Variants in NR2C2 observed in about 807,000 individuals in gnomAD.
The protein encoded by NR2C2 is Nuclear hormone receptor TR4.
Under a neutral mutation model 62.9 loss-of-function variants are expected in NR2C2, and 6 were observed. That is an observed-to-expected ratio of 0.10 (90% CI 0.05 to 0.19). NR2C2 has a LOEUF of 0.19. NR2C2 is among the 10% of genes least tolerant of loss of function. The pLI is 1.00. For missense variants in NR2C2, 479 were observed against 762.7 expected (o/e 0.63, Z 4.38); for synonymous variants, 272 against 273.8 (o/e 0.99, Z 0.07).
At position 15,023,964 on chromosome 3, in the gene NR2C2, G is replaced by T. The variant is rs562163239; in HGVS notation, c.705-151G>T. The T allele has an allele frequency of 8.9e-5, 56 of 631,884 alleles. No individual in the cohort carries two copies. In the South Asian group the frequency reaches 1.0e-3, roughly 11 times the overall value. The allele number at this position is 631,884 out of a possible 1,614,324, so 39.1% of individuals were successfully genotyped here. On this transcript the variant is annotated intron_variant, in intron 6 of 13. Transcript: ENST00000425241. ...TCATTGCAGAGAGACAGGGGTGGGG[G>T]TTCTGCTTAGTCACTAAGCGGCTGA...
At chr3:15,020,705 C>T (rs2041647909) in intron 4 of NR2C2, 48 bp from the exon 5 acceptor site, 1 of 1,593,360 alleles carries the variant, frequency 6.3e-7, no homozygotes, top group African/African-American at 1.3e-5. Context: ...TTTGGTGAAT[C>T]CACAAATATA....
At chr3:15,017,108 G>T (rs888432430) in intron 4 of NR2C2, among the ~76,000 whole-genome samples, 2 of 152,158 alleles carry the variant, frequency 1.3e-5, no homozygotes, top group African/African-American at 4.8e-5. Context: ...TGTAGTCCTG[G>T]TTTTTGTTTG....
chr3:15,039,104 G>GGGAA lies in NR2C2; in HGVS notation c.1511-18_1511-17insGGAA. On this transcript the variant is annotated splice_polypyrimidine_tract_variant and intron_variant, in intron 12 of 13. Coordinates refer to ENST00000425241, the MANE Select transcript of NR2C2 (RefSeq NM_001291694.2). ...CAAATACAGAGGGAACTGGGGGGGG[G>GGGAA]TACTTTTCTGTTTTCAGATCATCCA... The GGGAA allele has an allele frequency of 1.9e-6, 3 of 1,572,844 alleles. No homozygotes were observed. The highest frequency in any genetic ancestry group is 2.3e-5 in the East Asian group (1 of 44,006).
chr3:15,039,893 G>A (rs1049354510), intron 13 of NR2C2, among the ~76,000 whole-genome samples: 1 of 152,184 alleles, frequency 6.6e-6, no homozygotes, highest in African/African-American at 2.4e-5. Flanking sequence ...GCTCACGCCT[G>A]TAATCCCAGC....
rs1306953667 is a variant in NR2C2 at position 15,046,364 on chromosome 3, C to T, written c.*3356C>T. 2 of 152,210 alleles carry T rather than the reference C, an allele frequency of 1.3e-5. No homozygotes were observed. Among genetic ancestry groups the T allele is most frequent in the South Asian group, 2.1e-4 (1 of 4,828 alleles). 9.4% of individuals were successfully genotyped at this position (152,210 alleles called of 1,614,324 possible). ...GTGTTAACAGTGGATGCGTTAGGCT[C>T]CTTAATCTCAAGGCAATATCCACGC... On this transcript the variant is annotated 3_prime_UTR_variant, in exon 14 of 14. Coordinates refer to ENST00000425241, the MANE Select transcript of NR2C2 (RefSeq NM_001291694.2).
chr3:15,039,948 A>C (rs1183824728), intron 13 of NR2C2, among the ~76,000 whole-genome samples: 2 of 151,784 alleles, frequency 1.3e-5, no homozygotes, highest in African/African-American at 4.8e-5. Flanking sequence ...CACGAGTTCA[A>C]GACCAGCCTG....
At chr3:15,018,629 C>T (rs530189614) in intron 4 of NR2C2, among the ~76,000 whole-genome samples, 105 of 152,154 alleles carry the variant, frequency 6.9e-4, no homozygotes, top group African/African-American at 2.4e-3. Context: ...TTTGGCAGGC[C>T]GAGGTGGGCA....
intron 1 of NR2C2, among the ~76,000 whole-genome samples, chr3:14,985,192 G>A (rs2040482777): frequency 6.6e-6 from 1 of 151,994 alleles, no homozygotes; most frequent in South Asian, 2.1e-4. Flanking sequence ...TGTCCTGTAT[G>A]AGCTATATGG....
chr3:15,004,441 C>A, intron 2 of NR2C2: 2 of 1,025,098 alleles, frequency 2.0e-6, no homozygotes, highest in Non-Finnish European at 2.7e-6. Flanking sequence ...TTATAAAGTG[C>A]TTAGAATGGT....
Position 15,039,159 on chromosome 3 carries a change from A to G in NR2C2, c.1548A>G (p.Lys516=). 6.2e-7 allele frequency: 1 copy of G among 1,614,146 alleles called. No individual in the cohort carries two copies. The highest frequency in any genetic ancestry group is 8.5e-7 in the Non-Finnish European group (1 of 1,180,036). Reference sequence around the variant, plus strand: ...TGACCAGCACAAGCCAGATTGAAAAATTCCAAGAAAAGGCACAGATGGAGT... The same window carrying G: ...TGACCAGCACAAGCCAGATTGAAAAGTTCCAAGAAAAGGCACAGATGGAGT... The part of the protein sequence containing the change: ...PGLTSTSQIE[K]FQEKAQMELQ... The change falls in exon 13 of 14, where the codon AAA becomes AAG. Residue 516 remains lysine (K), a synonymous_variant. Coordinates refer to ENST00000425241, the MANE Select transcript of NR2C2 (RefSeq NM_001291694.2).
At chr3:14,977,502 G>C (rs955989440) in intron 1 of NR2C2, among the ~76,000 whole-genome samples, 1 of 151,966 alleles carries the variant, frequency 6.6e-6, no homozygotes, top group African/African-American at 2.4e-5. Flanking sequence ...GGGTACAGTA[G>C]CTTGTTGTAA....
At chr3:14,963,832 G>A (rs1264096280) in intron 1 of NR2C2, among the ~76,000 whole-genome samples, 2 of 152,052 alleles carry the variant, frequency 1.3e-5, no homozygotes, top group African/African-American at 4.8e-5. Flanking sequence ...ACATATGCCA[G>A]TTTAAACCGA....
chr3:15,041,976 C>CT (rs2042283255), intron 13 of NR2C2, among the ~76,000 whole-genome samples: 1 of 152,092 alleles, frequency 6.6e-6, no homozygotes, highest in South Asian at 2.1e-4. Flanking sequence ...GTTTTGTAAC[C>CT]TTTTTTCATG....
At chr3:15,020,651 C>T (rs1028731387) in intron 4 of NR2C2, 102 bp from the exon 5 acceptor site, 5 of 1,327,910 alleles carry the variant, frequency 3.8e-6, no homozygotes, top group Admixed American at 1.9e-5. Flanking sequence ...TGTATGGCAC[C>T]CATCACTTCA....
chr3:14,957,290 G>A (rs753779540), intron 1 of NR2C2, among the ~76,000 whole-genome samples: 3 of 152,070 alleles, frequency 2.0e-5, no homozygotes, highest in Non-Finnish European at 2.9e-5. Flanking sequence ...CCTTGTCCCA[G>A]GACTTGTTCA....
chr3:15,020,458 T>G (rs2041640687), intron 4 of NR2C2, among the ~76,000 whole-genome samples: 1 of 152,254 alleles, frequency 6.6e-6, no homozygotes, highest in South Asian at 2.1e-4. Context: ...TACTGTATGT[T>G]AGACCATTTG....
chr3:14,977,499 G>T (rs1031939088), intron 1 of NR2C2, among the ~76,000 whole-genome samples: 5 of 152,114 alleles, frequency 3.3e-5, no homozygotes, highest in African/African-American at 1.2e-4. Context: ...CATGGGTACA[G>T]TAGCTTGTTG....
intron 1 of NR2C2, among the ~76,000 whole-genome samples, chr3:14,955,378 A>G (rs1387837770): frequency 6.6e-6 from 1 of 152,106 alleles, no homozygotes; most frequent in Non-Finnish European, 1.5e-5. Context: ...TTATTAAATG[A>G]TCTAGCTTAT....
intron 1 of NR2C2, among the ~76,000 whole-genome samples, chr3:14,994,439 CT>C (rs4038325): frequency 1.1e-3 from 101 of 89,612 alleles, no homozygotes; most frequent in Admixed American, 1.8e-3. Flanking sequence ...TTTATTCATT[CT>C]TTTTTTTTTT....
Sources: gnomAD v4.1 joint callset for allele counts (sites outside exome capture counted in the v4.1 genomes callset) on GRCh38, gnomAD v4.1.1 for gene constraint, MANE v1.5 for transcripts, NCBI Gene and HGNC (gene_info 2026-07-23, HGNC 2026-07-21) for gene names.